ADAMTS10: variants seen among roughly 807,000 people sequenced by gnomAD.
ADAMTS10 encodes ADAM metallopeptidase with thrombospondin type 1 motif 10.
In ADAMTS10, 48 loss-of-function variants were observed where a neutral mutation model predicts 135.9. That is an observed-to-expected ratio of 0.35 (90% CI 0.28 to 0.45). The LOEUF is 0.45. Ranked by LOEUF, ADAMTS10 falls within the 20% of genes least tolerant of loss-of-function variation. The pLI is 1.00. For missense variants in ADAMTS10, 1,131 were observed against 1,565.2 expected, an observed-to-expected ratio of 0.72 and a Z score of 4.68; for synonymous variants, 621 against 647.5, an observed-to-expected ratio of 0.96 and a Z score of 0.62.
intron 22 of ADAMTS10, 145 bp downstream of exon 22, chr19:8,585,977 C>T (rs1356424365): frequency 1.4e-6 from 2 of 1,397,350 alleles, no homozygotes; most frequent in African/African-American, 1.4e-5. Flanking sequence ...CCCATAACTC[C>T]TATAGAACCA....
At position 8,589,895 on chromosome 19, in the gene ADAMTS10, G is replaced by C. The variant is rs571080944; in HGVS notation, c.1894C>G (p.Arg632Gly). ...RGKFYKWKTY[R>G]GGGVKACSLT... ...TTTGGAGTCCCACACTCACCTCCCC[G>C]GTACGTTTTCCACTTGTAGAATTTC... is the stretch of plus-strand genomic sequence containing the variant. The change falls in exon 16 of 26, where the codon CGG becomes GGG. Residue 632 changes from arginine to glycine, a missense_variant. Physicochemically the swap from Arg to Gly is moderately radical, Grantham distance 125. Transcript: ENST00000597188. 12 of 1,613,518 alleles carry C rather than the reference G, an allele frequency of 7.4e-6. No homozygotes were observed. The highest frequency in any genetic ancestry group is 1.0e-5 in the Non-Finnish European group (12 of 1,179,660).
At chr19:8,595,698 T>TGCCTCC in intron 12 of ADAMTS10, 64 bp downstream of exon 12, 1 of 1,291,948 alleles carries the variant, frequency 7.7e-7, no homozygotes, top group Non-Finnish European at 1.1e-6. Flanking sequence ...CTGGTGGAGT[T>TGCCTCC]CCCTCCCCCA....
In ADAMTS10 at chr19:8,602,220, C is replaced by A. The variant is rs1555741702; in HGVS notation, c.593-1075G>T. Among the ~76,000 whole-genome samples, 3 of 152,342 alleles carry A rather than the reference C, an allele frequency of 2.0e-5. No homozygotes were observed. The South Asian group carries it at 6.2e-4, about 32-fold the overall frequency. The stretch of plus-strand genomic sequence containing the variant: ...ATCCACCTTTTTTCTGTCTGTACTG[C>A]TGACTGTGGCTGTATGTCTACCACA... On this transcript the variant is annotated intron_variant, in intron 5 of 25. Transcript: ENST00000597188.
Position 8,596,527 on chromosome 19 carries a change from A to G in ADAMTS10, c.1084+15T>C. On this transcript the variant is annotated intron_variant, in intron 9 of 25. Coordinates refer to ENST00000597188, the MANE Select transcript of ADAMTS10 (RefSeq NM_030957.4). The surrounding 1 kb of genome is among the most constrained non-coding windows in gnomAD (Gnocchi z 7.2). Reference sequence around the variant, plus strand: ...CTGCCTTCATAGGCGCCTGAAACCTACGGGGCTCGGGTACCTAGTGTGCCG... The same window carrying G: ...CTGCCTTCATAGGCGCCTGAAACCTGCGGGGCTCGGGTACCTAGTGTGCCG... The G allele has an allele frequency of 1.2e-6, 2 of 1,613,724 alleles. No homozygotes were observed. Among genetic ancestry groups the G allele is most frequent in the Non-Finnish European group, 1.7e-6 (2 of 1,179,872 alleles).
intron 16 of ADAMTS10, 88 bp from the exon 17 acceptor site, chr19:8,589,673 G>C (rs2042495040): frequency 1.9e-6 from 3 of 1,581,624 alleles, no homozygotes; most frequent in Non-Finnish European, 2.6e-6. Context: ...AAGAGGGACA[G>C]ACCCCAGACC....
At position 8,604,982 on chromosome 19, in the gene ADAMTS10, T is replaced by G. The variant is rs11670030; in HGVS notation, c.435+30A>C. On this transcript the variant is annotated intron_variant, in intron 4 of 25. Transcript: ENST00000597188. ...CTTAACTTCCAAACTTATGGGCATT[T>G]CCCCCCGCGTTCCAGAATCCTCAGC... is the stretch of plus-strand genomic sequence containing the variant. 0.069 allele frequency: 107,502 copies of G among 1,561,726 alleles called. 3,930 individuals carry two copies. The highest frequency in any genetic ancestry group is 0.12 in the Middle Eastern group (738 of 5,998).
intron 18 of ADAMTS10, among the ~76,000 whole-genome samples, chr19:8,587,574 C>T (rs1481130065): frequency 1.3e-5 from 2 of 151,294 alleles, no homozygotes; most frequent in Non-Finnish European, 2.9e-5. Flanking sequence ...TCAAGGGATC[C>T]TCCTGCCTCT....
At chr19:8,604,788 G>A (rs2042701845) in intron 4 of ADAMTS10, 6 of 611,480 alleles carry the variant, frequency 9.8e-6, no homozygotes, top group Non-Finnish European at 1.4e-5. Context: ...GCCCAGCCTC[G>A]AATTTTTTGA....
intron 2 of ADAMTS10, among the ~76,000 whole-genome samples, 167 bp downstream of exon 2, chr19:8,607,967 T>C (rs782073401): frequency 7.2e-5 from 11 of 152,012 alleles, no homozygotes; most frequent in East Asian, 1.9e-4. Context: ...TGCGCCACCA[T>C]GCCCAGCTAA....
intron 22 of ADAMTS10, among the ~76,000 whole-genome samples, 187 bp from the exon 23 acceptor site, chr19:8,585,847 C>A (rs2042420968): frequency 1.3e-5 from 2 of 152,144 alleles, no homozygotes; most frequent in East Asian, 3.9e-4. Flanking sequence ...CAGAGAGGTG[C>A]ATTACCCTAA....
Position 8,592,208 on chromosome 19 carries a change from C to CGGGATGGGGCTGGAAG in ADAMTS10, c.1588-106_1588-105insCTTCCAGCCCCATCCC, listed in dbSNP as rs57291984. The CGGGATGGGGCTGGAAG allele has an allele frequency of 0.49, 772,548 of 1,571,110 alleles. 197,556 individuals are homozygous for CGGGATGGGGCTGGAAG. Among genetic ancestry groups the CGGGATGGGGCTGGAAG allele is most frequent in the East Asian group, 0.81 (34,719 of 43,050 alleles). ...CCCCAGCCAGAGATATCAGCCTCTC[C>CGGGATGGGGCTGGAAG]GGGATGGGCAGAGGCGGGGTCTGAA... On this transcript the variant is annotated intron_variant, in intron 13 of 25. Transcript: ENST00000597188.
intron 13 of ADAMTS10, 55 bp from the exon 14 acceptor site, chr19:8,592,158 C>T: frequency 6.2e-7 from 1 of 1,612,560 alleles, no homozygotes; most frequent in Non-Finnish European, 8.5e-7. Flanking sequence ...ACTCGTCGGC[C>T]CCATGCACCG....
chr19:8,603,864 G>A lies in ADAMTS10; in HGVS notation c.456C>T (p.Asp152=), dbSNP rs371629978. ...CGGLHGLIVA[D]EEEYLIEPLH... ...GGGGCTCAATCAGGTACTCTTCCTC[G>A]TCTGCCACGATCAGGCCGTGCTGGG... The change falls in exon 5 of 26, where the codon GAC becomes GAT. Residue 152 remains aspartate (D), a synonymous_variant. Coordinates refer to ENST00000597188, the MANE Select transcript of ADAMTS10 (RefSeq NM_030957.4). 1.9e-5 allele frequency: 30 copies of A among 1,612,576 alleles called. No homozygotes were observed. Among genetic ancestry groups the A allele is most frequent in the African/African-American group, 4.0e-5 (3 of 74,876 alleles).
chr19:8,600,682 T>G (rs911235530), intron 6 of ADAMTS10, among the ~76,000 whole-genome samples: 2 of 151,928 alleles, frequency 1.3e-5, no homozygotes, highest in Non-Finnish European at 2.9e-5. Context: ...GTATTTTTAG[T>G]AGAGATGGGG....
chr19:8,589,142 T>C (rs1003065806), intron 18 of ADAMTS10, 100 bp downstream of exon 18: 21 of 1,582,224 alleles, frequency 1.3e-5, no homozygotes, highest in Non-Finnish European at 1.8e-5. Context: ...GCCCCTGGGG[T>C]CTGAGGAGTT....
In ADAMTS10 at chr19:8,596,517, C is replaced by T. The variant is rs1555740275; in HGVS notation, c.1084+25G>A. 1.2e-6 allele frequency: 2 copies of T among 1,614,008 alleles called. No individual in the cohort carries two copies. Among genetic ancestry groups the T allele is most frequent in the Non-Finnish European group, 8.5e-7 (1 of 1,179,912 alleles). ...CCCCAGCCCACTGCCTTCATAGGCG[C>T]CTGAAACCTACGGGGCTCGGGTACC... On this transcript the variant is annotated intron_variant, in intron 9 of 25. Coordinates refer to ENST00000597188, the MANE Select transcript of ADAMTS10 (RefSeq NM_030957.4). The surrounding 1 kb of genome is among the most constrained non-coding windows in gnomAD (Gnocchi z 7.2).
chr19:8,609,914 G>A (rs1452678738), intron 1 of ADAMTS10, among the ~76,000 whole-genome samples: 1 of 151,426 alleles, frequency 6.6e-6, no homozygotes, highest in Non-Finnish European at 1.5e-5. Flanking sequence ...CACACACCCG[G>A]AGACAAACAC....
In ADAMTS10 at chr19:8,601,167, T is replaced by G. The variant is rs368286150; in HGVS notation, c.593-22A>C. 31 of 1,610,854 alleles carry G rather than the reference T, an allele frequency of 1.9e-5. No homozygotes were observed. In the African/African-American group the frequency reaches 4.0e-4, roughly 21 times the overall value. On this transcript the variant is annotated intron_variant, in intron 5 of 25. Transcript: ENST00000597188. This position sits in a 1 kb window ranked among gnomAD's most constrained non-coding sequence, Gnocchi z 4.6. Reference sequence around the variant, plus strand: ...TCATCTGGGGAACCCAGTAGAGCAATTAAGCCCTGCCCTGCTGGTGGGACG... The same window carrying G: ...TCATCTGGGGAACCCAGTAGAGCAAGTAAGCCCTGCCCTGCTGGTGGGACG...
intron 5 of ADAMTS10, among the ~76,000 whole-genome samples, chr19:8,603,345 G>A (rs941195501): frequency 2.0e-5 from 3 of 152,142 alleles, no homozygotes; most frequent in Admixed American, 6.6e-5. Context: ...CGTGATCTCT[G>A]CTCACTGCAA....
Sources: allele counts gnomAD v4.1 joint callset (sites outside exome capture counted in the v4.1 genomes callset), GRCh38; gene constraint gnomAD v4.1.1; non-coding constraint Gnocchi (gnomAD v3.1); transcripts MANE v1.5; gene names NCBI Gene and HGNC (gene_info 2026-07-23, HGNC 2026-07-21).